Variants in C1orf105 observed in about 807,000 individuals in gnomAD.
The protein encoded by C1orf105 is chromosome 1 open reading frame 105.
C1orf105 carries 17 observed loss-of-function variants against 20.8 expected under a neutral mutation model. That is an observed-to-expected ratio of 0.82 (90% CI 0.56 to 1.23). The LOEUF is 1.23. C1orf105 is among the 50% of genes most tolerant of loss of function. The pLI, the probability that C1orf105 is intolerant of heterozygous loss-of-function variation, is 0.00. For synonymous variants in C1orf105, 72 were observed against 72.1 expected (o/e 1.00, Z 0.01); for missense variants, 219 against 213.5 (o/e 1.03, Z -0.16).
intron 1 of C1orf105, chr1:172,430,374 C>G (rs1165150739): frequency 1.5e-6 from 1 of 657,674 alleles, no homozygotes; most frequent in Non-Finnish European, 2.7e-6. Context: ...CAGTTAAGGG[C>G]TCTGGATTGC....
At chr1:172,450,095 C>G (rs1648447515) in intron 3 of C1orf105, among the ~76,000 whole-genome samples, 2 of 152,208 alleles carry the variant, frequency 1.3e-5, no homozygotes. Flanking sequence ...TAGTTAGCCA[C>G]TAGATGACAG....
At chr1:172,441,466 TA>T (rs1270943171) in intron 1 of C1orf105, 19 of 305,314 alleles carry the variant, frequency 6.2e-5, no homozygotes, top group East Asian at 3.8e-4. Flanking sequence ...ATGGATGTGT[TA>T]TTTTTTTAAT....
chr1:172,466,572 A>T lies in C1orf105; in HGVS notation c.406+1209A>T, dbSNP rs533004679. 3.4e-3 allele frequency among the ~76,000 whole-genome samples: 282 copies of T among 82,124 alleles called. 2 individuals are homozygous for T. The highest frequency in any genetic ancestry group is 0.016 in the African/African-American group (278 of 17,768). The allele number at this position is 82,124 out of a possible 152,430, so 53.9% of individuals were successfully genotyped here. A position where few individuals can be genotyped will look rare whatever the true frequency, so the allele number is the denominator to read the frequency against. ...CCTGCATTGCAAAGGAATGAATCAC[A>T]TACACACACACACACACACACACAC... On this transcript the variant is annotated intron_variant, in intron 6 of 6. Coordinates refer to ENST00000367727, the MANE Select transcript of C1orf105 (RefSeq NM_139240.4).
At chr1:172,451,539 C>A (rs548875777) in intron 3 of C1orf105, among the ~76,000 whole-genome samples, 85 of 152,264 alleles carry the variant, frequency 5.6e-4, no homozygotes, top group Admixed American at 1.1e-3. Flanking sequence ...ACTCCTAAGT[C>A]ATTTTCATAT....
chr1:172,448,182 A>C (rs906544044), intron 2 of C1orf105, among the ~76,000 whole-genome samples: 2 of 152,242 alleles, frequency 1.3e-5, no homozygotes, highest in African/African-American at 4.8e-5. Flanking sequence ...ACTGTTGTGA[A>C]CAATCTTTAT....
At chr1:172,461,727 T>A (rs1573893138) in intron 4 of C1orf105, among the ~76,000 whole-genome samples, 1 of 152,178 alleles carries the variant, frequency 6.6e-6, no homozygotes, top group East Asian at 1.9e-4. Flanking sequence ...AGAGACAAGG[T>A]CTATGCCCTC....
At chr1:172,447,720 C>T (rs7515895) in intron 2 of C1orf105, among the ~76,000 whole-genome samples, 123,687 of 152,212 alleles carry the variant, frequency 0.81, 50,453 homozygotes, top group East Asian at 1. Flanking sequence ...ATGAAATCTT[C>T]CCTCATTAGA....
intron 3 of C1orf105, chr1:172,450,976 A>G (rs1228568189): frequency 6.6e-6 from 1 of 152,250 alleles, no homozygotes; most frequent in East Asian, 1.9e-4. Flanking sequence ...ACTGTGGAGA[A>G]GCTTCTTCAT....
At chr1:172,429,057 G>A (rs1486322853) in intron 1 of C1orf105, among the ~76,000 whole-genome samples, 2 of 152,188 alleles carry the variant, frequency 1.3e-5, no homozygotes, top group Non-Finnish European at 2.9e-5. Context: ...TTCAGTCCTG[G>A]GCTCCATTCA....
chr1:172,426,419 C>T (rs2071723865), intron 1 of C1orf105, among the ~76,000 whole-genome samples: 1 of 152,130 alleles, frequency 6.6e-6, no homozygotes, highest in Non-Finnish European at 1.5e-5. Context: ...ATTCATTCTC[C>T]CTTATTTCTT....
intron 3 of C1orf105, among the ~76,000 whole-genome samples, chr1:172,450,862 T>C (rs1309649538): frequency 2.6e-5 from 4 of 151,764 alleles, no homozygotes; most frequent in African/African-American, 9.7e-5. Context: ...CACACAGAGA[T>C]GAGGGACAAA....
chr1:172,440,156 CAT>C (rs1048191932), intron 1 of C1orf105, among the ~76,000 whole-genome samples: 6 of 152,172 alleles, frequency 3.9e-5, no homozygotes, highest in Admixed American at 2.0e-4. Flanking sequence ...GAAATAAAAA[CAT>C]TATATTTTGG....
At chr1:172,444,663 A>G (rs948249194) in intron 1 of C1orf105, among the ~76,000 whole-genome samples, 9 of 152,238 alleles carry the variant, frequency 5.9e-5, no homozygotes, top group Non-Finnish European at 1.5e-5. Context: ...TATAGCTTCA[A>G]AGCTTGGTTT....
At chr1:172,452,327 G>A (rs1314484927) in intron 3 of C1orf105, among the ~76,000 whole-genome samples, 1 of 152,180 alleles carries the variant, frequency 6.6e-6, no homozygotes, top group Non-Finnish European at 1.5e-5. Flanking sequence ...TGAAAGATTT[G>A]AACCAAGTGT....
At chr1:172,453,947 A>G (rs1648949292) in intron 3 of C1orf105, among the ~76,000 whole-genome samples, 1 of 152,196 alleles carries the variant, frequency 6.6e-6, no homozygotes, top group African/African-American at 2.4e-5. Context: ...GATGACAGTC[A>G]TTATGTTATG....
At chr1:172,434,161 T>G (rs1387376384) in intron 1 of C1orf105, among the ~76,000 whole-genome samples, 1 of 152,196 alleles carries the variant, frequency 6.6e-6, no homozygotes, top group Non-Finnish European at 1.5e-5. Flanking sequence ...AATGGGAGAC[T>G]TTAACACCCC....
At chr1:172,440,753 T>C (rs1334785307) in intron 1 of C1orf105, among the ~76,000 whole-genome samples, 2 of 152,212 alleles carry the variant, frequency 1.3e-5, no homozygotes, top group Non-Finnish European at 2.9e-5. Context: ...TGCCTGCAAA[T>C]GTGTTTTTAG....
chr1:172,431,096 A>AGAT (rs2071861539), intron 1 of C1orf105: 2 of 656,082 alleles, frequency 3.0e-6, no homozygotes, highest in African/African-American at 3.6e-5. Flanking sequence ...AATTAAGCCA[A>AGAT]TTAATAACCC....
At chr1:172,429,564 G>T (rs1196101866) in intron 1 of C1orf105, among the ~76,000 whole-genome samples, 2 of 152,178 alleles carry the variant, frequency 1.3e-5, no homozygotes, top group Non-Finnish European at 2.9e-5. Flanking sequence ...TGTAACTGAT[G>T]CCCTCTGCTG....
Sources: allele counts gnomAD v4.1 joint callset (sites outside exome capture counted in the v4.1 genomes callset), GRCh38; gene constraint gnomAD v4.1.1; transcripts MANE v1.5; gene names NCBI Gene and HGNC (gene_info 2026-07-23, HGNC 2026-07-21).